Variants in RYR2 observed in about 807,000 individuals in gnomAD.
RYR2 encodes cardiac muscle ryanodine receptor-calcium release channel.
A neutral mutation model predicts 601.1 loss-of-function variants in RYR2; 227 were observed. That is an observed-to-expected ratio of 0.38 (90% CI 0.34 to 0.42). The LOEUF is 0.42. Ranked by LOEUF, RYR2 falls within the 10% of genes least tolerant of loss-of-function variation. RYR2 has a pLI of 1.00. For synonymous variants in RYR2, 2,223 were observed against 2,175.1 expected, an observed-to-expected ratio of 1.02 and a Z score of -0.61; for missense variants, 4,646 against 6,156.5, an observed-to-expected ratio of 0.75 and a Z score of 8.21.
Position 237,511,709 on chromosome 1 carries a change from C to G in RYR2, c.2740C>G (p.Gln914Glu). Residue 914 changes from glutamine to glutamate, a missense_variant, in exon 24 of 105, where the codon CAA becomes GAA. Coordinates refer to ENST00000366574, the MANE Select transcript of RYR2 (RefSeq NM_001035.3). ...YGPVRDDNKR[Q>E]HPCLVEFSKL... ...TCAGGTTAGAGATGACAACAAGAGA[C>G]AACACCCATGCCTGGTGGAGTTCTC... is the stretch of plus-strand genomic sequence containing the variant. 6.4e-7 allele frequency: 1 copy of G among 1,572,182 alleles called. No homozygotes were observed. Among genetic ancestry groups the G allele is most frequent in the Non-Finnish European group, 8.6e-7 (1 of 1,157,142 alleles).
At chr1:237,388,572 C>T (rs1193805966) in intron 10 of RYR2, among the ~76,000 whole-genome samples, 1 of 152,104 alleles carries the variant, frequency 6.6e-6, no homozygotes, top group African/African-American at 2.4e-5. Context: ...AAATTGCGTA[C>T]AATTTTAGGA....
intron 1 of RYR2, among the ~76,000 whole-genome samples, chr1:237,266,003 T>C (rs916412037): frequency 3.3e-5 from 5 of 152,198 alleles, no homozygotes; most frequent in Non-Finnish European, 7.3e-5. Context: ...TCAATAAATT[T>C]GTTTCTTCAT....
At chr1:237,433,224 C>T (rs2150109192) in intron 12 of RYR2, among the ~76,000 whole-genome samples, 1 of 152,120 alleles carries the variant, frequency 6.6e-6, no homozygotes, top group East Asian at 1.9e-4. Flanking sequence ...AGTTTAGTTT[C>T]ATTTAAAATA....
At chr1:237,496,852 T>C in intron 20 of RYR2, 100 bp downstream of exon 20, 1 of 1,354,698 alleles carries the variant, frequency 7.4e-7, no homozygotes, top group Non-Finnish European at 1.0e-6. Flanking sequence ...TTCTATAGGG[T>C]ATTAATTATT....
chr1:237,144,792 A>G (rs1673802435), intron 1 of RYR2, among the ~76,000 whole-genome samples: 1 of 152,236 alleles, frequency 6.6e-6, no homozygotes, highest in Admixed American at 6.5e-5. Flanking sequence ...TACATACACA[A>G]TAATAGATGT....
chr1:237,274,856 G>C (rs1690099923), intron 2 of RYR2, among the ~76,000 whole-genome samples: 1 of 152,080 alleles, frequency 6.6e-6, no homozygotes, highest in East Asian at 1.9e-4. Flanking sequence ...GTTGCCTCCA[G>C]TATTCAGTAT....
At chr1:237,626,564 TTTTCTTTTTCTTTTTC>T (rs1679676607) in intron 40 of RYR2, among the ~76,000 whole-genome samples, 1 of 143,328 alleles carries the variant, frequency 7.0e-6, no homozygotes, top group African/African-American at 2.6e-5. Flanking sequence ...TTTCTTTTCT[TTTTCTTTTTCTTTTTC>T]TTTTTTTTTT....
intron 52 of RYR2, 138 bp downstream of exon 52, chr1:237,654,552 AC>A: frequency 1.3e-6 from 1 of 794,626 alleles, no homozygotes; most frequent in Non-Finnish European, 1.9e-6. Flanking sequence ...TCTTTTCTCA[AC>A]TTCATAACAA....
intron 2 of RYR2, among the ~76,000 whole-genome samples, chr1:237,303,290 ATCTTT>A (rs1268535641): frequency 1.6e-4 from 18 of 110,552 alleles, no homozygotes; most frequent in African/African-American, 7.3e-4. Flanking sequence ...CTCTGCGGTT[ATCTTT>A]TTTTTTTTTT....
intron 102 of RYR2, 46 bp from the exon 103 acceptor site, chr1:237,830,484 T>C: frequency 8.4e-7 from 1 of 1,193,706 alleles, no homozygotes; most frequent in Non-Finnish European, 1.3e-6. Context: ...TTTCCTTTTG[T>C]TTTGCTTTCT....
At chr1:237,598,178 T>A (rs932200628) in intron 34 of RYR2, among the ~76,000 whole-genome samples, 1 of 152,202 alleles carries the variant, frequency 6.6e-6, no homozygotes, top group African/African-American at 2.4e-5. Context: ...GTATGTTTTA[T>A]CTAAAGGGAG....
chr1:237,377,521 A>G, intron 8 of RYR2, 86 bp downstream of exon 8: 1 of 982,482 alleles, frequency 1.0e-6, no homozygotes, highest in Non-Finnish European at 1.5e-6. Context: ...TATATTGTAA[A>G]TTATCTATGA....
rs544897144 is a variant in RYR2, at chr1:237,309,528, C to A, written c.169-21350C>A. ...AATCCTCCAGCTAGACATAAAAGTT[C>A]TCCAATTCCCCACTAGACTCAGGAG... On this transcript the variant is annotated intron_variant, in intron 2 of 104. Coordinates refer to ENST00000366574, the MANE Select transcript of RYR2 (RefSeq NM_001035.3). 6.6e-4 allele frequency among the ~76,000 whole-genome samples: 100 copies of A among 152,370 alleles called. No homozygotes were observed. In the Middle Eastern group the frequency reaches 0.01, roughly 16 times the overall value.
At chr1:237,164,522 G>A (rs746030397) in intron 1 of RYR2, among the ~76,000 whole-genome samples, 11 of 152,070 alleles carry the variant, frequency 7.2e-5, no homozygotes, top group Non-Finnish European at 1.2e-4. Context: ...AGAGACAGGC[G>A]ACAAATAAAT....
intron 1 of RYR2, among the ~76,000 whole-genome samples, chr1:237,150,458 TC>T (rs1450637417): frequency 6.6e-6 from 1 of 152,138 alleles, no homozygotes; most frequent in East Asian, 1.9e-4. Flanking sequence ...TGTTTTTGTA[TC>T]CCCGGTGCTT....
chr1:237,631,918 C>A (rs186310134), intron 42 of RYR2, among the ~76,000 whole-genome samples: 125 of 151,944 alleles, frequency 8.2e-4, no homozygotes, highest in African/African-American at 2.9e-3. Context: ...CAGGCGTGAG[C>A]CACCGCGCCC....
chr1:237,264,089 ATG>A (rs1688795967), intron 1 of RYR2, among the ~76,000 whole-genome samples: 2 of 106,096 alleles, frequency 1.9e-5, no homozygotes, highest in South Asian at 3.6e-4. Flanking sequence ...ACACATGCAC[ATG>A]CACACACACA....
chr1:237,375,276 A>G (rs1174327800), intron 7 of RYR2, among the ~76,000 whole-genome samples: 14 of 152,226 alleles, frequency 9.2e-5, no homozygotes, highest in Non-Finnish European at 1.8e-4. Flanking sequence ...GATTTGTGAA[A>G]CAAAAATGTA....
At chr1:237,820,635 T>C (rs987433518) in intron 101 of RYR2, among the ~76,000 whole-genome samples, 4 of 152,152 alleles carry the variant, frequency 2.6e-5, no homozygotes, top group Admixed American at 2.0e-4. Flanking sequence ...ACAAGTTTTT[T>C]TCATATACCA....
Sources: gnomAD v4.1 joint callset for allele counts (sites outside exome capture counted in the v4.1 genomes callset) on GRCh38, gnomAD v4.1.1 for gene constraint, MANE v1.5 for transcripts, NCBI Gene and HGNC (gene_info 2026-07-23, HGNC 2026-07-21) for gene names.